The following PPP1R14C variants were observed in gnomAD, a reference collection of about 807,000 sequenced individuals.
PPP1R14C encodes the protein protein phosphatase 1 regulatory inhibitor subunit 14C.
In PPP1R14C, 16 loss-of-function variants were observed where a neutral mutation model predicts 20.4. The observed-to-expected ratio is 0.78, with a 90% CI of 0.53 to 1.19. The LOEUF is 1.19. Among genes scored for constraint, PPP1R14C ranks in the 50% most tolerant of loss-of-function variants. The probability of loss-of-function intolerance (pLI) is 0.00; values close to 1 mark genes in which losing one functional copy is unlikely to be tolerated. For missense variants in PPP1R14C, 211 were observed against 220.1 expected, an observed-to-expected ratio of 0.96 and a Z score of 0.26; for synonymous variants, 91 against 91.0, an observed-to-expected ratio of 1.00 and a Z score of 0.00.
chr6:150,237,257 G>A (rs549840787), intron 3 of PPP1R14C, among the ~76,000 whole-genome samples: 11 of 152,154 alleles, frequency 7.2e-5, no homozygotes, highest in Non-Finnish European at 1.6e-4. Flanking sequence ...AGGCTGGAGT[G>A]CAATGGTGTG....
At chr6:150,217,349 C>A (rs1227338643) in intron 3 of PPP1R14C, among the ~76,000 whole-genome samples, 1 of 152,058 alleles carries the variant, frequency 6.6e-6, no homozygotes, top group Non-Finnish European at 1.5e-5. Context: ...ACGTGCGTCA[C>A]CACGCCCGGC....
chr6:150,149,562 T>A (rs1313840222), intron 1 of PPP1R14C, among the ~76,000 whole-genome samples: 1 of 148,130 alleles, frequency 6.8e-6, no homozygotes, highest in East Asian at 2.0e-4. Flanking sequence ...CCTTCCAAAG[T>A]GTTGGGATTA....
intron 3 of PPP1R14C, among the ~76,000 whole-genome samples, chr6:150,217,442 G>A (rs34901813): frequency 0.035 from 5,352 of 152,098 alleles, 135 homozygotes; most frequent in Middle Eastern, 0.058. Context: ...GTATTCACCC[G>A]CCTCGGCCTC....
chr6:150,179,289 G>T (rs1475182963), intron 1 of PPP1R14C, among the ~76,000 whole-genome samples: 1 of 152,080 alleles, frequency 6.6e-6, no homozygotes, highest in Admixed American at 6.5e-5. Flanking sequence ...TACTCAGGAG[G>T]CTGAGGCAGG....
rs145286723 is a variant in PPP1R14C at position 150,167,194 on chromosome 6, C to T, written c.306+23696C>T. On this transcript the variant is annotated intron_variant, in intron 1 of 3. Coordinates refer to ENST00000361131, the MANE Select transcript of PPP1R14C (RefSeq NM_030949.3). ...CCAGCCTGGCCAACATGGCAAACCC[C>T]ATCTCTACTAAAAATACAAAAAAAT... Among the ~76,000 whole-genome samples the T allele has an allele frequency of 8.0e-3, 1,222 of 152,200 alleles. 7 individuals carry two copies. The highest frequency in any genetic ancestry group is 0.011 in the Non-Finnish European group (772 of 68,018).
At chr6:150,233,047 G>A (rs1218698363) in intron 3 of PPP1R14C, among the ~76,000 whole-genome samples, 1 of 151,242 alleles carries the variant, frequency 6.6e-6, no homozygotes, top group Non-Finnish European at 1.5e-5. Context: ...ATCTGCCCAT[G>A]GGACATCTCA....
intron 1 of PPP1R14C, among the ~76,000 whole-genome samples, chr6:150,154,520 C>T (rs1366277079): frequency 6.6e-6 from 1 of 152,170 alleles, no homozygotes; most frequent in Non-Finnish European, 1.5e-5. Context: ...TAGCTCTAAC[C>T]TTTAGATGTT....
intron 1 of PPP1R14C, among the ~76,000 whole-genome samples, chr6:150,211,091 A>G (rs1445264708): frequency 6.6e-6 from 1 of 152,102 alleles, no homozygotes; most frequent in Non-Finnish European, 1.5e-5. Context: ...TCCTGTGTGC[A>G]ACTTCCCTGC....
intron 1 of PPP1R14C, among the ~76,000 whole-genome samples, chr6:150,170,008 G>T (rs770419273): frequency 6.6e-6 from 1 of 152,194 alleles, no homozygotes; most frequent in Non-Finnish European, 1.5e-5. Flanking sequence ...GGGCTCTGGA[G>T]TAAACATCTC....
At chr6:150,204,123 G>C (rs1012712269) in intron 1 of PPP1R14C, among the ~76,000 whole-genome samples, 3 of 152,240 alleles carry the variant, frequency 2.0e-5, no homozygotes, top group Non-Finnish European at 2.9e-5. Flanking sequence ...GGTGGCGGCC[G>C]CCTGGCCACT....
chr6:150,194,727 A>T (rs1456145770), intron 1 of PPP1R14C: 1 of 985,304 alleles, frequency 1.0e-6, no homozygotes, highest in East Asian at 1.1e-4. Context: ...TATAAAACGT[A>T]AAAGAGGCTC....
At chr6:150,187,291 G>GTGTT (rs1320875406) in intron 1 of PPP1R14C, among the ~76,000 whole-genome samples, 1 of 143,732 alleles carries the variant, frequency 7.0e-6, no homozygotes, top group Non-Finnish European at 1.5e-5. Context: ...GTGTGTGTGT[G>GTGTT]TTTGCATGCT....
chr6:150,145,688 C>G (rs1015663040), intron 1 of PPP1R14C, among the ~76,000 whole-genome samples: 2 of 152,182 alleles, frequency 1.3e-5, no homozygotes, highest in Non-Finnish European at 2.9e-5. Flanking sequence ...AGGACGCACC[C>G]TAGCTTACAG....
At chr6:150,245,480 C>A (rs1331072105) in intron 3 of PPP1R14C, among the ~76,000 whole-genome samples, 1 of 152,216 alleles carries the variant, frequency 6.6e-6, no homozygotes, top group Non-Finnish European at 1.5e-5. Flanking sequence ...CCTGTCCATT[C>A]TGTGCCAGGG....
chr6:150,146,074 T>C (rs750684006), intron 1 of PPP1R14C, among the ~76,000 whole-genome samples: 9 of 152,224 alleles, frequency 5.9e-5, no homozygotes, highest in Non-Finnish European at 1.3e-4. Flanking sequence ...GAGAATAATG[T>C]CATAGGGGAA....
chr6:150,204,074 C>T (rs1777912048), intron 1 of PPP1R14C, among the ~76,000 whole-genome samples: 1 of 152,184 alleles, frequency 6.6e-6, no homozygotes, highest in South Asian at 2.1e-4. Context: ...AAAGAAGGGC[C>T]CTGAGAAGAG....
rs183830579 is a variant in PPP1R14C, at chr6:150,145,166, A to G, written c.306+1668A>G. 2.6e-5 allele frequency among the ~76,000 whole-genome samples: 4 copies of G among 152,222 alleles called. No individual in the cohort carries two copies. In the South Asian group the frequency reaches 8.3e-4, roughly 32 times the overall value. On this transcript the variant is annotated intron_variant, in intron 1 of 3. Coordinates refer to ENST00000361131, the MANE Select transcript of PPP1R14C (RefSeq NM_030949.3). ...GAGTAGCCTGATAAACAATATATTT[A>G]AAAAATACTTCAGAATAATTAGAAA...
At position 150,143,726 on chromosome 6, in the gene PPP1R14C, G is replaced by T. The variant is rs569059490; in HGVS notation, c.306+228G>T. On this transcript the variant is annotated intron_variant, in intron 1 of 3. Coordinates refer to ENST00000361131, the MANE Select transcript of PPP1R14C (RefSeq NM_030949.3). The surrounding 1 kb of genome is among the most constrained non-coding windows in gnomAD (Gnocchi z 5.6). Reference sequence around the variant, plus strand: ...CGGCTGCCGGTGCCCGGGGATCTGCGGGCCCCCTTGGTGGCCGTGGGGAGG... The same window carrying T: ...CGGCTGCCGGTGCCCGGGGATCTGCTGGCCCCCTTGGTGGCCGTGGGGAGG... Among the ~76,000 whole-genome samples the T allele has an allele frequency of 2.0e-5, 3 of 152,174 alleles. No individual in the cohort carries two copies. The highest frequency in any genetic ancestry group is 4.4e-5 in the Non-Finnish European group (3 of 68,026).
chr6:150,168,396 A>G (rs115464872), intron 1 of PPP1R14C, among the ~76,000 whole-genome samples: 6,629 of 151,640 alleles, frequency 0.044, 213 homozygotes, highest in East Asian at 0.1. Context: ...ACCTGGGCGT[A>G]GTGGCGGGCG....
Sources: gnomAD v4.1 joint callset for allele counts (sites outside exome capture counted in the v4.1 genomes callset) on GRCh38, gnomAD v4.1.1 for gene constraint, Gnocchi (gnomAD v3.1) non-coding constraint, MANE v1.5 for transcripts, NCBI Gene and HGNC (gene_info 2026-07-23, HGNC 2026-07-21) for gene names.